GATAD2B: variants seen among roughly 807,000 people sequenced by gnomAD.
GATAD2B encodes transcriptional repressor p66-beta.
In GATAD2B, 8 loss-of-function variants were observed where a neutral mutation model predicts 64.3. The ratio of observed to expected loss-of-function variants is 0.12; its 90% CI spans 0.07 to 0.22. GATAD2B has a LOEUF of 0.22. Ranked by LOEUF, GATAD2B falls within the 10% of genes least tolerant of loss-of-function variation. The pLI is 1.00. For missense variants in GATAD2B, 453 were observed against 752.0 expected (o/e 0.60, Z 4.65); for synonymous variants, 281 against 271.3 (o/e 1.04, Z -0.35).
intron 1 of GATAD2B, among the ~76,000 whole-genome samples, chr1:153,903,368 G>C (rs1384942591): frequency 6.6e-6 from 1 of 152,132 alleles, no homozygotes; most frequent in African/African-American, 2.4e-5. Context: ...CTTCACTCCA[G>C]AAATTGGAAA....
chr1:153,843,814 C>A (rs1174577478), intron 1 of GATAD2B, among the ~76,000 whole-genome samples: 94 of 120,476 alleles, frequency 7.8e-4, no homozygotes, highest in African/African-American at 9.5e-4. Flanking sequence ...CCACCACCAC[C>A]AAAAAAAAAA....
In GATAD2B at chr1:153,819,594, C is replaced by G; in HGVS notation, c.465+12G>C. ...GCATAACAAGAAGAAAGAAATTTTT[C>G]TTTCTTTTTACCTTAAACATCTCTA... On this transcript the variant is annotated intron_variant, in intron 3 of 10. Coordinates refer to ENST00000368655, the MANE Select transcript of GATAD2B (RefSeq NM_020699.4). 1 of 1,566,094 alleles carries G rather than the reference C, an allele frequency of 6.4e-7. No homozygotes were observed. The highest frequency in any genetic ancestry group is 8.6e-7 in the Non-Finnish European group (1 of 1,158,472).
chr1:153,863,075 T>C (rs1280141679), intron 1 of GATAD2B, among the ~76,000 whole-genome samples: 1 of 152,166 alleles, frequency 6.6e-6, no homozygotes, highest in Non-Finnish European at 1.5e-5. Flanking sequence ...CCAGGCCCTA[T>C]TTCATGACAT....
intron 1 of GATAD2B, among the ~76,000 whole-genome samples, chr1:153,834,963 T>TA (rs869292002): frequency 2.3e-4 from 33 of 143,324 alleles, no homozygotes; most frequent in South Asian, 8.8e-4. Context: ...CTACAGAAAA[T>TA]AAAAAAAAAA....
At chr1:153,886,207 G>A (rs1677179020) in intron 1 of GATAD2B, among the ~76,000 whole-genome samples, 1 of 152,156 alleles carries the variant, frequency 6.6e-6, no homozygotes, top group African/African-American at 2.4e-5. Context: ...TAACAACAGG[G>A]ATACATTCTG....
chr1:153,811,542 C>A, intron 10 of GATAD2B, 189 bp downstream of exon 10: 4 of 668,924 alleles, frequency 6.0e-6, no homozygotes, highest in East Asian at 2.6e-5. Flanking sequence ...CCACCAAAAC[C>A]CTAGTGCATT....
intron 1 of GATAD2B, among the ~76,000 whole-genome samples, chr1:153,917,108 T>C (rs536229163): frequency 3.4e-5 from 5 of 148,206 alleles, no homozygotes; most frequent in African/African-American, 9.9e-5. Flanking sequence ...ACCCGGCCTA[T>C]TTTTTTTTGA....
At chr1:153,880,918 C>T (rs1676989662) in intron 1 of GATAD2B, among the ~76,000 whole-genome samples, 1 of 152,102 alleles carries the variant, frequency 6.6e-6, no homozygotes, top group Non-Finnish European at 1.5e-5. Flanking sequence ...CACTTGCACA[C>T]AGAAGCTCTC....
chr1:153,910,373 A>G (rs1217273083), intron 1 of GATAD2B, among the ~76,000 whole-genome samples: 1 of 152,220 alleles, frequency 6.6e-6, no homozygotes, highest in African/African-American at 2.4e-5. Context: ...TCAAGTACAC[A>G]TACAACCATT....
chr1:153,838,409 CT>C (rs923197568), intron 1 of GATAD2B, among the ~76,000 whole-genome samples: 2 of 151,292 alleles, frequency 1.3e-5, no homozygotes, highest in African/African-American at 4.9e-5. Context: ...TTTTCTCTGC[CT>C]TTTTTTTTGT....
chr1:153,870,231 T>C (rs1473552361), intron 1 of GATAD2B, among the ~76,000 whole-genome samples: 1 of 152,066 alleles, frequency 6.6e-6, no homozygotes, highest in African/African-American at 2.4e-5. Flanking sequence ...ATTGCAAGCA[T>C]GAGCCACTGT....
intron 1 of GATAD2B, among the ~76,000 whole-genome samples, chr1:153,847,534 C>A (rs1675730706): frequency 6.6e-6 from 1 of 152,132 alleles, no homozygotes; most frequent in Non-Finnish European, 1.5e-5. Flanking sequence ...AGGCATGAAT[C>A]ACTGAGCCCG....
chr1:153,894,207 C>T (rs977765430), intron 1 of GATAD2B, among the ~76,000 whole-genome samples: 7 of 152,074 alleles, frequency 4.6e-5, no homozygotes, highest in Admixed American at 1.3e-4. Flanking sequence ...GTGGCTTACG[C>T]TTGTAATCCC....
At chr1:153,847,798 A>G (rs1362120739) in intron 1 of GATAD2B, among the ~76,000 whole-genome samples, 1 of 151,086 alleles carries the variant, frequency 6.6e-6, no homozygotes, top group African/African-American at 2.4e-5. Flanking sequence ...TTTTTTTCAT[A>G]TTTTCCATTT....
intron 2 of GATAD2B, among the ~76,000 whole-genome samples, chr1:153,826,507 A>C (rs1261907663): frequency 4.6e-5 from 7 of 152,100 alleles, no homozygotes; most frequent in Non-Finnish European, 1.0e-4. Flanking sequence ...ACGCGCCTGT[A>C]ATCTCAGCTA....
intron 1 of GATAD2B, among the ~76,000 whole-genome samples, chr1:153,875,120 C>T (rs1425244564): frequency 6.6e-6 from 1 of 152,046 alleles, no homozygotes; most frequent in Non-Finnish European, 1.5e-5. Context: ...TCAAGTGATC[C>T]TCTTGCCTAG....
At chr1:153,860,371 G>C (rs959436149) in intron 1 of GATAD2B, among the ~76,000 whole-genome samples, 28 of 152,122 alleles carry the variant, frequency 1.8e-4, no homozygotes, top group African/African-American at 6.5e-4. Context: ...GCCTCACTCT[G>C]TCACCTAGGC....
At chr1:153,847,189 A>T (rs982616586) in intron 1 of GATAD2B, among the ~76,000 whole-genome samples, 2 of 149,172 alleles carry the variant, frequency 1.3e-5, no homozygotes, top group African/African-American at 5.0e-5. Flanking sequence ...CTGGTCTTGA[A>T]CTCCTGGCCT....
chr1:153,862,474 G>A (rs1676340188), intron 1 of GATAD2B, among the ~76,000 whole-genome samples: 1 of 152,110 alleles, frequency 6.6e-6, no homozygotes, highest in African/African-American at 2.4e-5. Flanking sequence ...ATAAAGATGA[G>A]CAAAGCAGTA....
Sources: gnomAD v4.1 joint callset for allele counts (sites outside exome capture counted in the v4.1 genomes callset) on GRCh38, gnomAD v4.1.1 for gene constraint, MANE v1.5 for transcripts, NCBI Gene and HGNC (gene_info 2026-07-23, HGNC 2026-07-21) for gene names.